Variants in HMCN1 observed in about 807,000 individuals in gnomAD.
HMCN1 encodes the protein hemicentin 1, also known as hemicentin-1.
In HMCN1, 321 loss-of-function variants were observed where a neutral mutation model predicts 625.9. The observed-to-expected ratio is 0.51, with a 90% CI of 0.47 to 0.56. The LOEUF is 0.56. HMCN1 is among the 20% of genes least tolerant of loss of function. The pLI is 0.00. For synonymous variants in HMCN1, 2,425 were observed against 2,417.6 expected (o/e 1.00, Z -0.09); for missense variants, 6,588 against 6,887.3 (o/e 0.96, Z 1.54).
At chr1:185,953,421 C>G (rs1416105373) in intron 11 of HMCN1, among the ~76,000 whole-genome samples, 1 of 151,814 alleles carries the variant, frequency 6.6e-6, no homozygotes, top group African/African-American at 2.4e-5. Context: ...GTCTGCCTTC[C>G]CAGTCCATGA....
intron 1 of HMCN1, among the ~76,000 whole-genome samples, chr1:185,800,117 A>G (rs1394562211): frequency 6.6e-6 from 1 of 152,222 alleles, no homozygotes; most frequent in Non-Finnish European, 1.5e-5. Context: ...CAGGCTCCAC[A>G]GCCTACAAGG....
chr1:185,967,394 T>C (rs1057315069), intron 14 of HMCN1, among the ~76,000 whole-genome samples: 5 of 152,132 alleles, frequency 3.3e-5, no homozygotes, highest in Non-Finnish European at 7.3e-5. Flanking sequence ...ACTCTCTGTT[T>C]CTTATCTCAA....
chr1:185,994,854 T>G lies in HMCN1; in HGVS notation c.3545T>G (p.Val1182Gly), dbSNP rs1355765197. 1.9e-6 allele frequency: 3 copies of G among 1,613,556 alleles called. No homozygotes were observed. Among genetic ancestry groups the G allele is most frequent in the Non-Finnish European group, 2.5e-6 (3 of 1,179,706 alleles). The change falls in exon 24 of 107, where the codon GTC becomes GGC. Residue 1182 changes from valine to glycine, a missense_variant. Val to Gly is a moderately radical substitution (Grantham distance 109). Around this residue, in one of 3 missense-constraint regions of HMCN1, gnomAD observed 4,628 missense variants for 4,853.1 expected, o/e 0.95. Transcript: ENST00000271588. The stretch of plus-strand genomic sequence containing the variant: ...CAGCGTGGACCTAAACATCTCAAAG[T>G]CCAAGTTGGTCAAAGAGTGGATATT... ...KIQRGPKHLK[V>G]QVGQRVDIPC...
chr1:186,044,507 CAA>C (rs917566163), intron 40 of HMCN1, among the ~76,000 whole-genome samples: 9 of 152,158 alleles, frequency 5.9e-5, no homozygotes, highest in African/African-American at 2.2e-4. Context: ...CTACTGTAGT[CAA>C]AGTCTATTGC....
intron 80 of HMCN1, among the ~76,000 whole-genome samples, chr1:186,120,544 T>C (rs1661353124): frequency 1.3e-5 from 2 of 152,244 alleles, no homozygotes; most frequent in Admixed American, 1.3e-4. Flanking sequence ...TGGAAAAAAT[T>C]ATTCTAAAGA....
chr1:185,784,784 G>T lies in HMCN1; in HGVS notation c.268+49737G>T, dbSNP rs79801473. ...CTAATCATGGTATCAATTACATATTGTAACATGTACAGATCTTAAGTGTAT... is the reference window on the plus strand; with the variant it reads ...CTAATCATGGTATCAATTACATATTTTAACATGTACAGATCTTAAGTGTAT... On this transcript the variant is annotated intron_variant, in intron 1 of 106. Transcript: ENST00000271588. Among the ~76,000 whole-genome samples the T allele has an allele frequency of 4.8e-3, 729 of 152,218 alleles. 3 individuals are homozygous for T. Among genetic ancestry groups the T allele is most frequent in the African/African-American group, 0.016 (675 of 41,512 alleles).
In HMCN1 at chr1:185,847,963, C is replaced by CA. The variant is rs1013582556; in HGVS notation, c.339+1877dup. On this transcript the variant is annotated intron_variant, in intron 2 of 106. Coordinates refer to ENST00000271588, the MANE Select transcript of HMCN1 (RefSeq NM_031935.3). ...ATGAGACCCTGTCTCCAAAAGAAAG[C>CA]AAAAAAAAAAGTTTTCATTGTTTTT... Among the ~76,000 whole-genome samples the CA allele has an allele frequency of 8.6e-4, 123 of 142,322 alleles. 1 individual carries two copies. The highest frequency in any genetic ancestry group is 6.7e-4 in the South Asian group (3 of 4,494). The allele number at this position is 142,322 out of a possible 152,430, so 93.4% of individuals were successfully genotyped here.
chr1:185,784,595 A>G (rs1376812475), intron 1 of HMCN1, among the ~76,000 whole-genome samples: 1 of 152,010 alleles, frequency 6.6e-6, no homozygotes, highest in Non-Finnish European at 1.5e-5. Flanking sequence ...CTTCCTAGGC[A>G]GGTAAACATG....
At chr1:185,990,764 A>G (rs1312720993) in intron 22 of HMCN1, among the ~76,000 whole-genome samples, 1 of 152,218 alleles carries the variant, frequency 6.6e-6, no homozygotes, top group Non-Finnish European at 1.5e-5. Context: ...CATTAATCCC[A>G]TAAGAGCAAT....
chr1:185,766,112 T>G (rs182737617), intron 1 of HMCN1, among the ~76,000 whole-genome samples: 2 of 152,268 alleles, frequency 1.3e-5, no homozygotes, highest in Non-Finnish European at 2.9e-5. Context: ...ATGTTCGCTT[T>G]AATGAAGCTT....
In HMCN1 at chr1:186,136,701, C is replaced by G. The variant is rs758752400; in HGVS notation, c.13346C>G (p.Thr4449Ser). Reference sequence around the variant, plus strand: ...ATTATCACTCTTGAGCCAGTGGAAACTGTTATTAATGCTGGTGGCAAAATC... The same window carrying G: ...ATTATCACTCTTGAGCCAGTGGAAAGTGTTATTAATGCTGGTGGCAAAATC... ...PPIITLEPVETVINAGGKIIL... is the reference protein window; with the variant it reads ...PPIITLEPVESVINAGGKIIL... The change falls in exon 87 of 107, where the codon ACT (threonine) becomes AGT (serine). Residue 4449 changes from threonine (T) to serine (S), a missense_variant. Physicochemically the swap from Thr to Ser is moderately conservative, Grantham distance 58. Around this residue, in one of 3 missense-constraint regions of HMCN1, gnomAD observed 1,954 missense variants for 2,013.1 expected, o/e 0.97. Transcript: ENST00000271588. 6.2e-7 allele frequency: 1 copy of G among 1,613,894 alleles called. No individual in the cohort carries two copies. The highest frequency in any genetic ancestry group is 8.5e-7 in the Non-Finnish European group (1 of 1,179,878).
intron 34 of HMCN1, among the ~76,000 whole-genome samples, chr1:186,018,975 T>C (rs754151461): frequency 6.6e-6 from 1 of 152,046 alleles, no homozygotes; most frequent in Non-Finnish European, 1.5e-5. Context: ...ACAAGGAGTA[T>C]CTATGAATGT....
rs764203402 is a variant in HMCN1 at position 186,108,531 on chromosome 1, G to A, written c.10923G>A (p.Leu3641=). The change falls in exon 71 of 107, where the codon TTG becomes TTA. Residue 3641 remains leucine, a synonymous_variant. Transcript: ENST00000271588. The stretch of plus-strand genomic sequence containing the variant: ...TGTTACGGAACAGACAAGTGACATT[G>A]GAATGCAAGTCAGATGCAGTGCCCC... The part of the protein sequence containing the change: ...ITVLRNRQVT[L]ECKSDAVPPP... 1.7e-5 allele frequency: 27 copies of A among 1,614,100 alleles called. No homozygotes were observed. The highest frequency in any genetic ancestry group is 6.7e-5 in the Admixed American group (4 of 60,008).
chr1:186,190,263 C>A lies in HMCN1; in HGVS notation c.*385C>A. ...TTCAGAATCAAATAGAGTTTTTGAG[C>A]ATTTGACTATTTTTAGAATCATAAA... On this transcript the variant is annotated 3_prime_UTR_variant, in exon 107 of 107. Transcript: ENST00000271588. 1 of 228,416 alleles carries A rather than the reference C, an allele frequency of 4.4e-6. No homozygotes were observed. Among genetic ancestry groups the A allele is most frequent in the Admixed American group, 5.3e-5 (1 of 18,928 alleles). The allele number at this position is 228,416 out of a possible 1,614,324, so 14.1% of individuals were successfully genotyped here. A position where few individuals can be genotyped will look rare whatever the true frequency, so the allele number is the denominator to read the frequency against.
At chr1:185,780,833 G>A (rs1657031054) in intron 1 of HMCN1, among the ~76,000 whole-genome samples, 1 of 152,126 alleles carries the variant, frequency 6.6e-6, no homozygotes, top group Non-Finnish European at 1.5e-5. Flanking sequence ...TCTCTGCCAG[G>A]CTTTGGTATC....
intron 71 of HMCN1, 58 bp downstream of exon 71, chr1:186,108,655 C>A: frequency 6.3e-7 from 1 of 1,595,764 alleles, no homozygotes; most frequent in East Asian, 2.3e-5. Flanking sequence ...GTAAAAAAAT[C>A]AGCTCTAGGG....
At chr1:185,996,314 T>C (rs924634568) in intron 24 of HMCN1, among the ~76,000 whole-genome samples, 3 of 152,004 alleles carry the variant, frequency 2.0e-5, no homozygotes, top group South Asian at 2.1e-4. Flanking sequence ...GAGAAGGACA[T>C]AGAATATGAA....
At chr1:185,975,253 A>G (rs1281431958) in intron 15 of HMCN1, among the ~76,000 whole-genome samples, 1 of 152,180 alleles carries the variant, frequency 6.6e-6, no homozygotes, top group Non-Finnish European at 1.5e-5. Context: ...GCTATAAAGA[A>G]ATTCCAAAGA....
At chr1:185,921,028 C>T (rs1244735416) in intron 6 of HMCN1, among the ~76,000 whole-genome samples, 1 of 152,134 alleles carries the variant, frequency 6.6e-6, no homozygotes, top group Non-Finnish European at 1.5e-5. Context: ...TACAACCCTA[C>T]AGGAAATCCC....
Sources: gnomAD v4.1 joint callset for allele counts (sites outside exome capture counted in the v4.1 genomes callset) on GRCh38, gnomAD v4.1.1 for gene constraint, gnomAD v4.1.1 regional missense constraint, MANE v1.5 for transcripts, NCBI Gene and HGNC (gene_info 2026-07-23, HGNC 2026-07-21) for gene names.